The following COL4A2 variants were observed in gnomAD, a reference collection of about 807,000 sequenced individuals.
COL4A2 encodes collagen type IV alpha 2 chain.
A neutral mutation model predicts 200.2 loss-of-function variants in COL4A2; 99 were observed. That is an observed-to-expected ratio of 0.49 (90% CI 0.42 to 0.58). COL4A2 has a LOEUF of 0.58. Ranked by LOEUF, COL4A2 falls within the 20% of genes least tolerant of loss-of-function variation. The pLI, the probability that COL4A2 is intolerant of heterozygous loss-of-function variation, is 0.00. For missense variants in COL4A2, 1,950 were observed against 2,314.1 expected (o/e 0.84, Z 3.23); for synonymous variants, 897 against 900.6 (o/e 1.00, Z 0.07).
chr13:110,484,523 C>G (rs996011284), intron 32 of COL4A2, among the ~76,000 whole-genome samples: 5 of 152,172 alleles, frequency 3.3e-5, no homozygotes, highest in African/African-American at 1.2e-4. Context: ...TGGCGCCTGC[C>G]TCACGGGCCT....
chr13:110,313,474 C>G (rs1313938253), intron 3 of COL4A2, among the ~76,000 whole-genome samples: 1 of 151,688 alleles, frequency 6.6e-6, no homozygotes, highest in Non-Finnish European at 1.5e-5. Flanking sequence ...CCCCGGTGCC[C>G]CGCGTCCACC....
chr13:110,371,632 C>T (rs1414199360), intron 4 of COL4A2, among the ~76,000 whole-genome samples: 1 of 152,084 alleles, frequency 6.6e-6, no homozygotes, highest in Non-Finnish European at 1.5e-5. Flanking sequence ...CAAGCCTGTG[C>T]CAGATGTTCC....
At chr13:110,325,402 ATT>A (rs1479007450) in intron 3 of COL4A2, among the ~76,000 whole-genome samples, 8 of 152,216 alleles carry the variant, frequency 5.3e-5, no homozygotes, top group South Asian at 2.1e-4. Flanking sequence ...TCTGCCATGC[ATT>A]GATGGGCTCT....
At chr13:110,488,317 C>T (rs990968886) in intron 34 of COL4A2, among the ~76,000 whole-genome samples, 2 of 152,134 alleles carry the variant, frequency 1.3e-5, no homozygotes, top group Non-Finnish European at 2.9e-5. Context: ...GAGCCACCAC[C>T]CCCGGCCTAG....
chr13:110,314,033 G>A (rs1195271664), intron 3 of COL4A2, among the ~76,000 whole-genome samples: 1 of 152,240 alleles, frequency 6.6e-6, no homozygotes, highest in African/African-American at 2.4e-5. Context: ...GGTATCCTGG[G>A]GCGGGTCCTG....
chr13:110,326,164 G>A (rs760595869), intron 3 of COL4A2, among the ~76,000 whole-genome samples: 6 of 152,130 alleles, frequency 3.9e-5, no homozygotes, highest in Non-Finnish European at 5.9e-5. Context: ...CTTCCACCTC[G>A]GAGTTCAAAT....
intron 4 of COL4A2, among the ~76,000 whole-genome samples, chr13:110,384,511 C>T (rs1234764567): frequency 2.0e-5 from 3 of 152,160 alleles, no homozygotes; most frequent in African/African-American, 7.2e-5. Flanking sequence ...GCTTGAGTCC[C>T]CCTGCTCCTC....
chr13:110,445,103 G>T (rs536417343), intron 16 of COL4A2, among the ~76,000 whole-genome samples: 1 of 152,160 alleles, frequency 6.6e-6, no homozygotes, highest in East Asian at 1.9e-4. Flanking sequence ...CTCCCACCTT[G>T]GCTTCCCGAA....
intron 3 of COL4A2, among the ~76,000 whole-genome samples, chr13:110,333,025 G>C (rs1875998377): frequency 6.6e-6 from 1 of 152,190 alleles, no homozygotes; most frequent in Admixed American, 6.5e-5. Context: ...CTTGCTTCTG[G>C]AGAGGGCAGA....
rs111560574 is a variant in COL4A2, at chr13:110,385,659, A to G, written c.180+28107A>G. Among the ~76,000 whole-genome samples, 132 of 32,362 alleles carry G rather than the reference A, an allele frequency of 4.1e-3. 21 individuals carry two copies. Among genetic ancestry groups the G allele is most frequent in the Non-Finnish European group, 5.4e-3 (70 of 13,068 alleles). The allele number at this position is 32,362 out of a possible 152,430, so 21.2% of individuals were successfully genotyped here. A position where few individuals can be genotyped will look rare whatever the true frequency, so the allele number is the denominator to read the frequency against. On this transcript the variant is annotated intron_variant, in intron 4 of 47. Coordinates refer to ENST00000360467, the MANE Select transcript of COL4A2 (RefSeq NM_001846.4). ...GGCCGTGGCTACAGTGTGTGGATAG[A>G]CCGTGGCTGCAGTGTGTGGATAGGC...
chr13:110,341,599 A>C (rs11841013), intron 3 of COL4A2, among the ~76,000 whole-genome samples: 1 of 152,234 alleles, frequency 6.6e-6, no homozygotes, highest in African/African-American at 2.4e-5. Context: ...CTCAGTAACA[A>C]CTCCACTTTG....
intron 15 of COL4A2, 111 bp downstream of exon 15, chr13:110,438,779 G>C (rs1272532936): frequency 7.5e-7 from 1 of 1,329,352 alleles, no homozygotes; most frequent in Non-Finnish European, 1.1e-6. Context: ...AGAAAGTATA[G>C]AGATTTCCCG....
intron 38 of COL4A2, 102 bp from the exon 39 acceptor site, chr13:110,493,104 CCCCCA>C: frequency 8.2e-7 from 1 of 1,213,918 alleles, no homozygotes; most frequent in Middle Eastern, 1.9e-4. Context: ...ATGAGTGACA[CCCCCA>C]TGGGTGAAAT....
intron 3 of COL4A2, among the ~76,000 whole-genome samples, chr13:110,314,532 G>A (rs558235369): frequency 6.6e-6 from 1 of 152,212 alleles, no homozygotes; most frequent in African/African-American, 2.4e-5. Flanking sequence ...GGAGTCATTT[G>A]TGAAGACGGG....
At chr13:110,392,378 G>A (rs1879020033) in intron 4 of COL4A2, among the ~76,000 whole-genome samples, 1 of 152,206 alleles carries the variant, frequency 6.6e-6, no homozygotes, top group Non-Finnish European at 1.5e-5. Context: ...GATGCAGGGA[G>A]AAAGGTGGGT....
Position 110,512,557 on chromosome 13 carries a change from A to T in COL4A2, c.*366A>T, listed in dbSNP as rs886720876. On this transcript the variant is annotated 3_prime_UTR_variant, in exon 48 of 48. Transcript: ENST00000360467. ...CCCTTCTCGGGGTGGGACAGACGAG[A>T]CAACAGCACACAGGCAGCCAGCCGT... The T allele has an allele frequency of 1.9e-4, 44 of 232,420 alleles. No homozygotes were observed. The highest frequency in any genetic ancestry group is 5.8e-5 in the Non-Finnish European group (7 of 119,682). The allele number at this position is 232,420 out of a possible 1,614,324, so 14.4% of individuals were successfully genotyped here.
intron 3 of COL4A2, among the ~76,000 whole-genome samples, chr13:110,356,573 G>A (rs1377606495): frequency 4.6e-5 from 7 of 152,136 alleles, no homozygotes; most frequent in Non-Finnish European, 5.9e-5. Flanking sequence ...TGGGTTCCCC[G>A]CCAGCATTTT....
chr13:110,444,970 C>G (rs1434843059), intron 16 of COL4A2, among the ~76,000 whole-genome samples: 1 of 152,174 alleles, frequency 6.6e-6, no homozygotes, highest in Non-Finnish European at 1.5e-5. Flanking sequence ...CCCACCTCAG[C>G]CTCCCAAGTA....
intron 24 of COL4A2, among the ~76,000 whole-genome samples, 154 bp from the exon 25 acceptor site, chr13:110,465,251 G>A (rs1272540390): frequency 6.6e-6 from 1 of 152,230 alleles, no homozygotes; most frequent in Non-Finnish European, 1.5e-5. Context: ...CTGTGACCTG[G>A]CTGACCATGG....
Sources: allele counts gnomAD v4.1 joint callset (sites outside exome capture counted in the v4.1 genomes callset), GRCh38; gene constraint gnomAD v4.1.1; transcripts MANE v1.5; gene names NCBI Gene and HGNC (gene_info 2026-07-23, HGNC 2026-07-21).